TMEM178B: variants seen among roughly 807,000 people sequenced by gnomAD.
The protein encoded by TMEM178B is transmembrane protein 178B.
A neutral mutation model predicts 31.0 loss-of-function variants in TMEM178B; 5 were observed. That is an observed-to-expected ratio of 0.16 (90% CI 0.08 to 0.34). TMEM178B has a LOEUF of 0.34. TMEM178B is among the 10% of genes least tolerant of loss of function. TMEM178B has a pLI of 1.00. For synonymous variants in TMEM178B, 164 were observed against 164.0 expected (o/e 1.00, Z 0.00); for missense variants, 275 against 400.3 (o/e 0.69, Z 2.67).
intron 2 of TMEM178B, among the ~76,000 whole-genome samples, chr7:141,312,641 G>A (rs1798932290): frequency 6.6e-6 from 1 of 152,142 alleles, no homozygotes; most frequent in African/African-American, 2.4e-5. Context: ...AATCTCCAAA[G>A]GTCACATATT....
rs138531424 is a variant in TMEM178B at position 141,326,426 on chromosome 7, GATAA to G, written c.497-111176_497-111173del. On this transcript the variant is annotated intron_variant, in intron 2 of 3. Coordinates refer to ENST00000565468, the MANE Select transcript of TMEM178B (RefSeq NM_001195278.2). The stretch of plus-strand genomic sequence containing the variant: ...ACTCATGATAATACAGAGGTATTCT[GATAA>G]ATAAAGATACTGGTATGTGATGGAC... Among the ~76,000 whole-genome samples the G allele has an allele frequency of 2.1e-3, 319 of 152,280 alleles. 3 individuals carry two copies. The highest frequency in any genetic ancestry group is 7.3e-3 in the African/African-American group (305 of 41,562).
At chr7:141,168,758 A>G (rs1796300568) in intron 1 of TMEM178B, among the ~76,000 whole-genome samples, 1 of 152,026 alleles carries the variant, frequency 6.6e-6, no homozygotes, top group Non-Finnish European at 1.5e-5. Context: ...CGACAGAGGG[A>G]GACTCTGTCC....
At chr7:141,295,879 C>A (rs1798623806) in intron 2 of TMEM178B, among the ~76,000 whole-genome samples, 1 of 152,168 alleles carries the variant, frequency 6.6e-6, no homozygotes, top group East Asian at 1.9e-4. Flanking sequence ...ACGGCCCAGC[C>A]ACAGCCCTGT....
chr7:141,199,844 G>T (rs2129186107), intron 1 of TMEM178B, among the ~76,000 whole-genome samples: 1 of 152,294 alleles, frequency 6.6e-6, no homozygotes, highest in Non-Finnish European at 1.5e-5. Flanking sequence ...GAGGTCAGGA[G>T]ATCGAGACCA....
intron 2 of TMEM178B, among the ~76,000 whole-genome samples, chr7:141,276,451 G>A (rs566082025): frequency 5.9e-5 from 9 of 152,276 alleles, no homozygotes; most frequent in Middle Eastern, 3.4e-3. Context: ...GAAACTTACA[G>A]TTATGGCAGA....
At chr7:141,138,518 G>T (rs980875977) in intron 1 of TMEM178B, among the ~76,000 whole-genome samples, 8 of 152,192 alleles carry the variant, frequency 5.3e-5, no homozygotes, top group African/African-American at 1.9e-4. Context: ...CCTTCTGAGG[G>T]TGGGGGTGGA....
intron 2 of TMEM178B, among the ~76,000 whole-genome samples, chr7:141,374,375 C>T (rs1800173655): frequency 6.6e-6 from 1 of 152,180 alleles, no homozygotes; most frequent in Admixed American, 6.5e-5. Flanking sequence ...GGCACACACA[C>T]ATGCACACAC....
chr7:141,185,535 C>T (rs115994660), intron 1 of TMEM178B, among the ~76,000 whole-genome samples: 6 of 152,256 alleles, frequency 3.9e-5, no homozygotes, highest in South Asian at 4.2e-4. Flanking sequence ...GCCCTCAACG[C>T]GCAGCCGCTT....
chr7:141,161,868 AGCTGTGTG>A (rs1212606121), intron 1 of TMEM178B, among the ~76,000 whole-genome samples: 2 of 152,000 alleles, frequency 1.3e-5, no homozygotes, highest in Non-Finnish European at 2.9e-5. Context: ...GTGAGTGTGC[AGCTGTGTG>A]GTATATGAGT....
chr7:141,324,646 T>A (rs943902168), intron 2 of TMEM178B, among the ~76,000 whole-genome samples: 1 of 151,840 alleles, frequency 6.6e-6, no homozygotes, highest in Non-Finnish European at 1.5e-5. Flanking sequence ...TGCCTCCCGG[T>A]TTTGAGAAAT....
At chr7:141,297,032 T>C (rs529116279) in intron 2 of TMEM178B, 1 of 152,358 alleles carries the variant, frequency 6.6e-6, no homozygotes, top group East Asian at 1.9e-4. Flanking sequence ...GGTACATCCC[T>C]AGGGAAGTTG....
chr7:141,470,573 C>T lies in TMEM178B; in HGVS notation c.672C>T (p.Ala224=), dbSNP rs1320143136. 2.2e-5 allele frequency: 33 copies of T among 1,533,140 alleles called. No individual in the cohort carries two copies. The highest frequency in any genetic ancestry group is 2.7e-5 in the Non-Finnish European group (31 of 1,145,718). 95.0% of individuals were successfully genotyped at this position (1,533,140 alleles called of 1,614,324 possible). Residue 224 remains alanine (A), a synonymous_variant, in exon 4 of 4, where the codon GCC becomes GCT. Transcript: ENST00000565468. ...TCATTTCACTGTGCACCTGTGTGGC[C>T]GGGATCAACTTTGAGCTGTCACGCT... ...FCIISLCTCV[A]GINFELSRYP...
Position 141,470,780 on chromosome 7 carries a change from G to T in TMEM178B, c.879G>T (p.Val293=), listed in dbSNP as rs750493717. The part of the protein sequence containing the change: ...YPKSRPENGT[V]C ...AATCCAGACCCGAGAATGGGACAGT[G>T]TGCTAAAAAACAAACCCATACATAC... Residue 293 remains valine, a synonymous_variant, in exon 4 of 4, where the codon GTG becomes GTT. Coordinates refer to ENST00000565468, the MANE Select transcript of TMEM178B (RefSeq NM_001195278.2). 570 of 1,491,824 alleles carry T rather than the reference G, an allele frequency of 3.8e-4. 1 individual carries two copies. Among genetic ancestry groups the T allele is most frequent in the Admixed American group, 1.2e-3 (54 of 45,514 alleles). The allele number at this position is 1,491,824 out of a possible 1,614,324, so 92.4% of individuals were successfully genotyped here. A position where few individuals can be genotyped will look rare whatever the true frequency, so the allele number is the denominator to read the frequency against.
chr7:141,447,898 G>A (rs1303994318), intron 3 of TMEM178B, among the ~76,000 whole-genome samples: 1 of 152,050 alleles, frequency 6.6e-6, no homozygotes, highest in Admixed American at 6.5e-5. Context: ...CAAGCAAGTG[G>A]GCGACTGCAT....
At chr7:141,402,144 C>T (rs1800791665) in intron 2 of TMEM178B, among the ~76,000 whole-genome samples, 1 of 152,212 alleles carries the variant, frequency 6.6e-6, no homozygotes, top group Non-Finnish European at 1.5e-5. Flanking sequence ...GACCCGCTCA[C>T]TACACTAAAA....
intron 3 of TMEM178B, 66 bp downstream of exon 3, chr7:141,437,811 A>G (rs1217508421): frequency 4.6e-6 from 7 of 1,529,364 alleles, no homozygotes; most frequent in South Asian, 1.2e-5. Context: ...ATTTGGGGAG[A>G]ATGGCCAGAG....
At chr7:141,291,500 A>G (rs573240058) in intron 2 of TMEM178B, among the ~76,000 whole-genome samples, 1 of 152,332 alleles carries the variant, frequency 6.6e-6, no homozygotes, top group African/African-American at 2.4e-5. Flanking sequence ...TTTGTTGAGT[A>G]ATCACACTGA....
chr7:141,295,155 G>A (rs535180675), intron 2 of TMEM178B, among the ~76,000 whole-genome samples: 13 of 152,296 alleles, frequency 8.5e-5, no homozygotes, highest in South Asian at 2.1e-4. Context: ...GCACCTGCAC[G>A]CTTGCTCTGC....
At chr7:141,263,737 C>T (rs1798051759) in intron 2 of TMEM178B, among the ~76,000 whole-genome samples, 1 of 152,192 alleles carries the variant, frequency 6.6e-6, no homozygotes, top group Non-Finnish European at 1.5e-5. Flanking sequence ...GGGATTTTCC[C>T]AGTGGCCTCT....
Sources: gnomAD v4.1 joint callset for allele counts (sites outside exome capture counted in the v4.1 genomes callset) on GRCh38, gnomAD v4.1.1 for gene constraint, MANE v1.5 for transcripts, NCBI Gene and HGNC (gene_info 2026-07-23, HGNC 2026-07-21) for gene names.